Variants in DCBLD2 observed in about 807,000 individuals in gnomAD.
DCBLD2 encodes discoidin, CUB and LCCL domain containing 2.
DCBLD2 carries 54 observed loss-of-function variants against 86.8 expected under a neutral mutation model. The ratio of observed to expected loss-of-function variants is 0.62; its 90% confidence interval spans 0.50 to 0.78. The LOEUF (loss-of-function observed/expected upper bound fraction) is 0.78. DCBLD2 is among the 30% of genes least tolerant of loss of function. The pLI, the probability that DCBLD2 is intolerant of heterozygous loss-of-function variation, is 0.00. For synonymous variants in DCBLD2, 354 were observed against 341.3 expected, an observed-to-expected ratio of 1.04 and a Z score of -0.41; for missense variants, 908 against 954.2, an observed-to-expected ratio of 0.95 and a Z score of 0.64.
chr3:98,870,757 GAA>G (rs71124008), intron 2 of DCBLD2, among the ~76,000 whole-genome samples: 3 of 111,436 alleles, frequency 2.7e-5, no homozygotes, highest in Non-Finnish European at 3.9e-5. Flanking sequence ...AAGAAAGAAA[GAA>G]AGAAAGAAAG....
chr3:98,865,274 T>C (rs939588800), intron 2 of DCBLD2, among the ~76,000 whole-genome samples: 9 of 151,998 alleles, frequency 5.9e-5, no homozygotes, highest in Non-Finnish European at 7.4e-5. Context: ...CAGAGTACTA[T>C]TCAGCCTGTA....
chr3:98,823,461 C>T (rs1942158973), intron 4 of DCBLD2, among the ~76,000 whole-genome samples: 1 of 152,150 alleles, frequency 6.6e-6, no homozygotes, highest in South Asian at 2.1e-4. Context: ...GCTACCCATC[C>T]ACCCAACACA....
At chr3:98,823,954 C>T (rs1294337260) in intron 4 of DCBLD2, among the ~76,000 whole-genome samples, 1 of 152,014 alleles carries the variant, frequency 6.6e-6, no homozygotes, top group African/African-American at 2.4e-5. Context: ...CAGCAGTGAG[C>T]TAAGGGGTGT....
At chr3:98,804,586 C>A (rs540921194) in intron 13 of DCBLD2, among the ~76,000 whole-genome samples, 4 of 152,120 alleles carry the variant, frequency 2.6e-5, no homozygotes, top group African/African-American at 4.8e-5. Flanking sequence ...ACTTCTGCAG[C>A]TTTTCAATGT....
chr3:98,879,736 A>G (rs1039043934), intron 2 of DCBLD2, among the ~76,000 whole-genome samples: 7 of 152,236 alleles, frequency 4.6e-5, no homozygotes, highest in Non-Finnish European at 7.3e-5. Context: ...GTCACAATGT[A>G]GAACAGTTAC....
intron 2 of DCBLD2, among the ~76,000 whole-genome samples, chr3:98,859,248 C>T (rs1336107324): frequency 1.3e-5 from 2 of 152,146 alleles, no homozygotes; most frequent in East Asian, 3.9e-4. Context: ...TGGGTGGAGC[C>T]CAACGCAGCT....
At chr3:98,860,043 C>G (rs897334657) in intron 2 of DCBLD2, among the ~76,000 whole-genome samples, 2 of 152,106 alleles carry the variant, frequency 1.3e-5, no homozygotes, top group Non-Finnish European at 2.9e-5. Context: ...CCTGATAGAG[C>G]TGAAAACCAT....
intron 2 of DCBLD2, among the ~76,000 whole-genome samples, chr3:98,859,868 G>A (rs775828159): frequency 6.6e-6 from 1 of 152,230 alleles, no homozygotes; most frequent in Non-Finnish European, 1.5e-5. Flanking sequence ...AACAAAGCTG[G>A]ACGGAGAATG....
chr3:98,860,108 G>A (rs960394397), intron 2 of DCBLD2, among the ~76,000 whole-genome samples: 3 of 152,180 alleles, frequency 2.0e-5, no homozygotes, highest in Non-Finnish European at 4.4e-5. Flanking sequence ...TCAATCAACT[G>A]GAAGAAAGGG....
chr3:98,887,408 C>A (rs1334001510), intron 1 of DCBLD2, among the ~76,000 whole-genome samples: 2 of 151,918 alleles, frequency 1.3e-5, no homozygotes, highest in Non-Finnish European at 2.9e-5. Context: ...ATTTTTAGAC[C>A]AGAAGTACTA....
chr3:98,831,206 AT>A (rs34009011), intron 3 of DCBLD2, among the ~76,000 whole-genome samples: 379 of 138,830 alleles, frequency 2.7e-3, no homozygotes, highest in Middle Eastern at 0.011. Flanking sequence ...TGCTGAGCTA[AT>A]TTTTTTTTTT....
chr3:98,848,472 TTG>T (rs1407999511), intron 3 of DCBLD2, among the ~76,000 whole-genome samples: 1 of 152,238 alleles, frequency 6.6e-6, no homozygotes, highest in African/African-American at 2.4e-5. Context: ...TTATATTCCT[TTG>T]GGTATATATC....
At chr3:98,838,924 C>T (rs149151956) in intron 3 of DCBLD2, among the ~76,000 whole-genome samples, 26,306 of 151,252 alleles carry the variant, frequency 0.17, 2,433 homozygotes, top group African/African-American at 0.25. Flanking sequence ...CAATCGCAGG[C>T]ATTCGGCAGA....
At position 98,901,347 on chromosome 3, in the gene DCBLD2, C is replaced by A; in HGVS notation, c.-21G>T. 1 of 1,357,298 alleles carries A rather than the reference C, an allele frequency of 7.4e-7. No homozygotes were observed. Among genetic ancestry groups the A allele is most frequent in the Non-Finnish European group, 9.4e-7 (1 of 1,065,198 alleles). 84.1% of individuals were successfully genotyped at this position (1,357,298 alleles called of 1,614,324 possible). A position where few individuals can be genotyped will look rare whatever the true frequency, so the allele number is the denominator to read the frequency against. On this transcript the variant is annotated 5_prime_UTR_variant, in exon 1 of 16. The change creates a new upstream start codon in the 5' untranslated region. Transcript: ENST00000326840. The stretch of plus-strand genomic sequence containing the variant: ...GCCATCGCGGCGGCCGGCAGTCTGC[C>A]TGCATAGTGCGGGTGCCTCGGCAGC...
intron 2 of DCBLD2, among the ~76,000 whole-genome samples, chr3:98,873,272 A>T (rs537897156): frequency 6.6e-6 from 1 of 152,160 alleles, no homozygotes; most frequent in African/African-American, 2.4e-5. Flanking sequence ...CAAATAGGAG[A>T]TCAAACAGAT....
chr3:98,820,480 A>G (rs1338705689), intron 6 of DCBLD2, among the ~76,000 whole-genome samples, 192 bp from the exon 7 acceptor site: 1 of 152,218 alleles, frequency 6.6e-6, no homozygotes. Context: ...AACTTCTGAA[A>G]TCAGCATAAA....
At chr3:98,887,857 A>T (rs1357062413) in intron 1 of DCBLD2, among the ~76,000 whole-genome samples, 1 of 151,974 alleles carries the variant, frequency 6.6e-6, no homozygotes, top group African/African-American at 2.4e-5. Flanking sequence ...CTGAGTCCAC[A>T]GTTCATATTA....
At chr3:98,868,621 C>G (rs1943203586) in intron 2 of DCBLD2, among the ~76,000 whole-genome samples, 1 of 152,122 alleles carries the variant, frequency 6.6e-6, no homozygotes, top group Non-Finnish European at 1.5e-5. Flanking sequence ...CTCCCCCTTT[C>G]TGAGTCTCCG....
chr3:98,818,841 C>T (rs1305324495), intron 8 of DCBLD2, among the ~76,000 whole-genome samples: 1 of 152,196 alleles, frequency 6.6e-6, no homozygotes, highest in African/African-American at 2.4e-5. Flanking sequence ...CTGTTGGCTT[C>T]CCTACTTTTG....
Sources: allele counts gnomAD v4.1 joint callset (sites outside exome capture counted in the v4.1 genomes callset), GRCh38; gene constraint gnomAD v4.1.1; transcripts MANE v1.5; gene names NCBI Gene and HGNC (gene_info 2026-07-23, HGNC 2026-07-21).